TLE6: variants seen among roughly 807,000 people sequenced by gnomAD.
TLE6 encodes transducin-like enhancer protein 6.
TLE6 carries 72 observed loss-of-function variants against 77.1 expected under a neutral mutation model. The ratio of observed to expected loss-of-function variants is 0.93; its 90% CI spans 0.77 to 1.14. The LOEUF is 1.14. TLE6 is among the 50% of genes most tolerant of loss of function. TLE6 has a pLI of 0.00. For synonymous variants in TLE6, 366 were observed against 287.3 expected (o/e 1.27, Z -2.77); for missense variants, 843 against 747.6 (o/e 1.13, Z -1.49).
At position 2,994,978 on chromosome 19, in the gene TLE6, G is replaced by A. The variant is rs962660214; in HGVS notation, c.1693G>A (p.Ala565Thr). Residue 565 changes from alanine to threonine, a missense_variant, in exon 17 of 17, where the codon GCC becomes ACC. Transcript: ENST00000246112. ...CGTTGTCACAGGCTCCGGGGAGCAC[G>A]CCTCCGTGTACCAGATCACCTACTG... ...RLVVTGSGEH[A>T]SVYQITY 2.3e-5 allele frequency: 37 copies of A among 1,607,478 alleles called. No individual in the cohort carries two copies. Among genetic ancestry groups the A allele is most frequent in the East Asian group, 4.5e-5 (2 of 44,788 alleles).
In TLE6 at chr19:2,987,120, G is replaced by A. The variant is rs758597601; in HGVS notation, c.423G>A (p.Gln141=). The A allele has an allele frequency of 6.2e-7, 1 of 1,614,038 alleles. No homozygotes were observed. The highest frequency in any genetic ancestry group is 1.3e-5 in the African/African-American group (1 of 74,944). ...WLRRPLGEDN[Q]PETQLFWDKE... ...GGCGGCCTTTGGGGGAGGACAATCA[G>A]CCGGAGACCCAGCTGTTCTGGGACA... The change falls in exon 7 of 17, where the codon CAG becomes CAA. Residue 141 remains glutamine (Q), a synonymous_variant. Coordinates refer to ENST00000246112, the MANE Select transcript of TLE6 (RefSeq NM_001143986.2).
chr19:2,984,670 G>A (rs1293375081), intron 5 of TLE6, among the ~76,000 whole-genome samples: 2 of 151,952 alleles, frequency 1.3e-5, no homozygotes, highest in African/African-American at 4.8e-5. Flanking sequence ...GTTTTGCCAT[G>A]TTGGCCAGGC....
intron 14 of TLE6, among the ~76,000 whole-genome samples, chr19:2,992,792 AAGG>A: frequency 1.0e-4 from 1 of 9,904 alleles, no homozygotes; most frequent in African/African-American, 3.5e-4. Flanking sequence ...AAAAAAAAAA[AAGG>A]GGGGGAGGCG....
Position 2,989,743 on chromosome 19 carries a change from G to C in TLE6, c.1202G>C (p.Gly401Ala). 1 of 1,614,212 alleles carries C rather than the reference G, an allele frequency of 6.2e-7. No homozygotes were observed. Among genetic ancestry groups the C allele is most frequent in the Non-Finnish European group, 8.5e-7 (1 of 1,180,036 alleles). ...ANLAFASFTS[G>A]VVRIWDLRDQ... is the part of the protein sequence containing the mutation. ...CTGGCCTTCGCCAGCTTCACCAGTGGTGTGGTCAGGATCTGGGACCTGCGG... is the reference window on the plus strand; with the variant it reads ...CTGGCCTTCGCCAGCTTCACCAGTGCTGTGGTCAGGATCTGGGACCTGCGG... Residue 401 changes from glycine (G) to alanine (A), a missense_variant, in exon 13 of 17, where the codon GGT (glycine) becomes GCT (alanine). Physicochemically the swap from Gly to Ala is moderately conservative, Grantham distance 60 (BLOSUM62 0). Coordinates refer to ENST00000246112, the MANE Select transcript of TLE6 (RefSeq NM_001143986.2).
intron 16 of TLE6, among the ~76,000 whole-genome samples, chr19:2,994,600 C>G (rs2073597343): frequency 8.1e-6 from 1 of 123,592 alleles, no homozygotes. Flanking sequence ...ACAGAGACTC[C>G]ATCTAAAAAA....
At position 2,989,071 on chromosome 19, in the gene TLE6, C is replaced by T; in HGVS notation, c.751C>T (p.Pro251Ser). 1.2e-6 allele frequency: 2 copies of T among 1,613,810 alleles called. No homozygotes were observed. Among genetic ancestry groups the T allele is most frequent in the South Asian group, 2.2e-5 (2 of 91,076 alleles). ...SRFLQSISWD[P>S]EDFEDAWKRP... is the part of the protein sequence containing the mutation. Reference sequence around the variant, plus strand: ...GCCTCCCCTCCCAAGATCCTGGGACCCTGAGGACTTTGAAGATGCATGGAA... The same window carrying T: ...GCCTCCCCTCCCAAGATCCTGGGACTCTGAGGACTTTGAAGATGCATGGAA... Residue 251 changes from proline to serine, a missense_variant, in exon 12 of 17, where the codon CCT becomes TCT. By Grantham distance (74) the Pro-to-Ser change is moderately conservative. Coordinates refer to ENST00000246112, the MANE Select transcript of TLE6 (RefSeq NM_001143986.2).
intron 5 of TLE6, among the ~76,000 whole-genome samples, chr19:2,983,437 C>T (rs1041985243): frequency 4.6e-5 from 7 of 152,034 alleles, no homozygotes; most frequent in Admixed American, 2.6e-4. Flanking sequence ...GGAAGGCATG[C>T]GAGAAGGTGA....
chr19:2,978,444 G>GT (rs200317783), intron 2 of TLE6, among the ~76,000 whole-genome samples, 160 bp downstream of exon 2: 4 of 152,102 alleles, frequency 2.6e-5, no homozygotes, highest in African/African-American at 4.8e-5. Context: ...AAGGAGCCGT[G>GT]TTTTTTAAAA....
intron 3 of TLE6, among the ~76,000 whole-genome samples, chr19:2,980,562 C>T (rs371619468): frequency 2.1e-4 from 31 of 149,538 alleles, no homozygotes; most frequent in South Asian, 1.3e-3. Flanking sequence ...ATGGTGAAAC[C>T]GCGTCTCTAC....
At chr19:2,978,803 C>T (rs775208160) in intron 2 of TLE6, among the ~76,000 whole-genome samples, 2 of 152,118 alleles carry the variant, frequency 1.3e-5, no homozygotes, top group Non-Finnish European at 2.9e-5. Flanking sequence ...CACAGGAACA[C>T]ATCATGTATT....
Position 2,989,681 on chromosome 19 carries a change from C to G in TLE6, c.1140C>G (p.Leu380=). The G allele has an allele frequency of 1.2e-6, 2 of 1,614,216 alleles. No individual in the cohort carries two copies. Among genetic ancestry groups the G allele is most frequent in the Non-Finnish European group, 8.5e-7 (1 of 1,180,046 alleles). Residue 380 remains leucine, a synonymous_variant, in exon 13 of 17, where the codon CTC becomes CTG. Coordinates refer to ENST00000246112, the MANE Select transcript of TLE6 (RefSeq NM_001143986.2). ...AGGAGCAGTTGCCCTGTGCAGGTCT[C>G]AACTGCCAGGCCCTGGATGCCAACC... ...HVKEQLPCAG[L]NCQALDANLD... is the part of the protein sequence containing the mutation.
chr19:2,986,645 C>T lies in TLE6; in HGVS notation c.223-184C>T, dbSNP rs144787117. On this transcript the variant is annotated intron_variant, in intron 5 of 16. Coordinates refer to ENST00000246112, the MANE Select transcript of TLE6 (RefSeq NM_001143986.2). ...AGGAGAACCACTTGAACCTGGGAGG[C>T]GGAGGTTGCAGTGAGCCGAGATTGC... 7.3e-3 allele frequency among the ~76,000 whole-genome samples: 1,094 copies of T among 150,726 alleles called. 28 individuals carry two copies. Among genetic ancestry groups the T allele is most frequent in the Admixed American group, 0.048 (730 of 15,134 alleles).
intron 5 of TLE6, among the ~76,000 whole-genome samples, chr19:2,985,455 G>C (rs1198125800): frequency 2.2e-5 from 3 of 137,760 alleles, no homozygotes; most frequent in African/African-American, 8.2e-5. Flanking sequence ...AGGCTGGAGT[G>C]CGGTGGCATC....
chr19:2,985,451 G>C (rs1466939979), intron 5 of TLE6, among the ~76,000 whole-genome samples: 1 of 139,102 alleles, frequency 7.2e-6, no homozygotes, highest in Non-Finnish European at 1.5e-5. Flanking sequence ...ACCCAGGCTG[G>C]AGTGCGGTGG....
At position 2,980,130 on chromosome 19, in the gene TLE6, T is replaced by C. The variant is rs1258738879; in HGVS notation, c.82T>C (p.Ser28Pro). The C allele has an allele frequency of 3.9e-6, 6 of 1,550,486 alleles. No homozygotes were observed. The highest frequency in any genetic ancestry group is 1.2e-5 in the South Asian group (1 of 84,032). ...PCPGISNSES[S>P]PTLNYQGILN... ...TCCTGGGATCTCGAACTCTGAGAGC[T>C]CTCCGACGCTGAATTATCAGGGCAT... is the stretch of plus-strand genomic sequence containing the variant. The change falls in exon 3 of 17, where the codon TCT becomes CCT. Residue 28 changes from serine to proline, a missense_variant. Physicochemically the swap from Ser to Pro is moderately conservative, Grantham distance 74. Transcript: ENST00000246112.
chr19:2,988,936 A>C, intron 11 of TLE6, 125 bp from the exon 12 acceptor site: 1 of 1,408,970 alleles, frequency 7.1e-7, no homozygotes, highest in Non-Finnish European at 9.6e-7. Flanking sequence ...CTAGAGGGTA[A>C]AACAAGGCCT....
intron 3 of TLE6, among the ~76,000 whole-genome samples, chr19:2,981,257 G>T (rs925000635): frequency 6.6e-5 from 10 of 151,316 alleles, no homozygotes; most frequent in African/African-American, 1.7e-4. Flanking sequence ...CTACTCGGGA[G>T]GTCGAGGCAG....
chr19:2,985,772 A>G (rs934992097), intron 5 of TLE6, among the ~76,000 whole-genome samples: 14 of 149,688 alleles, frequency 9.4e-5, no homozygotes, highest in African/African-American at 3.4e-4. Flanking sequence ...TCTTTTTAAA[A>G]CATCCCAAAA....
intron 3 of TLE6, 128 bp downstream of exon 3, chr19:2,980,310 A>G (rs2088772625): frequency 1.5e-6 from 1 of 656,706 alleles, no homozygotes; most frequent in South Asian, 1.9e-5. Context: ...ACAGGAAGCC[A>G]TGCAGATACC....
Sources: allele counts gnomAD v4.1 joint callset (sites outside exome capture counted in the v4.1 genomes callset), GRCh38; gene constraint gnomAD v4.1.1; transcripts MANE v1.5; gene names NCBI Gene and HGNC (gene_info 2026-07-23, HGNC 2026-07-21).